ROBO2: variants seen among roughly 807,000 people sequenced by gnomAD.
ROBO2 encodes roundabout guidance receptor 2, also known as roundabout homolog 2.
In ROBO2, 53 loss-of-function variants were observed where a neutral mutation model predicts 160.8. The observed-to-expected ratio is 0.33, with a 90% CI of 0.26 to 0.41. ROBO2 has a LOEUF of 0.41. Among genes scored for constraint, ROBO2 ranks in the 10% least tolerant of loss-of-function variants. ROBO2 has a pLI of 1.00. For missense variants in ROBO2, 1,577 were observed against 1,722.4 expected (o/e 0.92, Z 1.49); for synonymous variants, 664 against 611.7 (o/e 1.09, Z -1.26).
intron 1 of ROBO2, among the ~76,000 whole-genome samples, chr3:77,049,868 C>T (rs2065042605): frequency 6.6e-6 from 1 of 152,108 alleles, no homozygotes; most frequent in East Asian, 1.9e-4. Context: ...GGATTTGGAC[C>T]AAACCTCTGC....
intron 2 of ROBO2, among the ~76,000 whole-genome samples, chr3:76,622,291 A>ATGG (rs2089260502): frequency 1.5e-5 from 1 of 65,750 alleles, no homozygotes; most frequent in African/African-American, 6.0e-5. Context: ...AGAAAGAAAG[A>ATGG]AAGAAAGAAA....
At chr3:75,983,978 T>A (rs974891420) in intron 2 of ROBO2, among the ~76,000 whole-genome samples, 3 of 151,512 alleles carry the variant, frequency 2.0e-5, no homozygotes, top group African/African-American at 7.2e-5. Context: ...TTATCTTATG[T>A]GCTCTTTTAG....
At chr3:77,499,285 A>G (rs183778028) in intron 5 of ROBO2, among the ~76,000 whole-genome samples, 216 of 152,294 alleles carry the variant, frequency 1.4e-3, no homozygotes, top group African/African-American at 5.0e-3. Context: ...TTTAAACTCT[A>G]TGTTTTACAT....
chr3:76,708,758 C>A (rs1364017270), intron 2 of ROBO2, among the ~76,000 whole-genome samples: 1 of 152,010 alleles, frequency 6.6e-6, no homozygotes, highest in Non-Finnish European at 1.5e-5. Context: ...TCTGGCAGAA[C>A]CAGAATGAAT....
At chr3:76,335,293 G>T (rs2073807302) in intron 2 of ROBO2, among the ~76,000 whole-genome samples, 2 of 140,836 alleles carry the variant, frequency 1.4e-5, no homozygotes, top group African/African-American at 2.6e-5. Flanking sequence ...CAATTCTCCT[G>T]CCTCAGCCTC....
chr3:77,455,794 T>C (rs2081579610), intron 2 of ROBO2, among the ~76,000 whole-genome samples: 1 of 152,088 alleles, frequency 6.6e-6, no homozygotes, highest in Non-Finnish European at 1.5e-5. Flanking sequence ...TATTCATTCA[T>C]TAATAAATAT....
At chr3:76,355,069 C>T (rs2075083225) in intron 2 of ROBO2, among the ~76,000 whole-genome samples, 2 of 150,552 alleles carry the variant, frequency 1.3e-5, no homozygotes, top group Non-Finnish European at 3.0e-5. Flanking sequence ...TGTATGTATG[C>T]ATGGGGGTGT....
At chr3:76,710,348 T>G (rs1161142077) in intron 2 of ROBO2, among the ~76,000 whole-genome samples, 1 of 152,118 alleles carries the variant, frequency 6.6e-6, no homozygotes, top group Non-Finnish European at 1.5e-5. Flanking sequence ...CTTGATCCCT[T>G]GACCTTGTGA....
At chr3:76,626,695 T>G (rs1205694907) in intron 2 of ROBO2, among the ~76,000 whole-genome samples, 2 of 148,274 alleles carry the variant, frequency 1.3e-5, no homozygotes, top group Non-Finnish European at 3.0e-5. Flanking sequence ...ATCTTTTATC[T>G]TTTTTTTTTT....
chr3:77,104,105 G>A (rs2072451591), intron 2 of ROBO2, among the ~76,000 whole-genome samples: 1 of 151,944 alleles, frequency 6.6e-6, no homozygotes, highest in African/African-American at 2.4e-5. Flanking sequence ...ATATATACAA[G>A]CAATGTTTTT....
At chr3:76,182,115 A>T (rs1024660816) in intron 2 of ROBO2, among the ~76,000 whole-genome samples, 4 of 152,230 alleles carry the variant, frequency 2.6e-5, no homozygotes, top group Non-Finnish European at 5.9e-5. Flanking sequence ...ATTGAGTTGT[A>T]GCAGCCTAGA....
intron 2 of ROBO2, among the ~76,000 whole-genome samples, chr3:76,559,596 C>T (rs2084030054): frequency 1.3e-5 from 2 of 152,002 alleles, no homozygotes; most frequent in African/African-American, 4.8e-5. Flanking sequence ...AGTCTTTGGC[C>T]AAAAGCGGTG....
At chr3:77,250,517 G>T (rs1165122354) in intron 2 of ROBO2, among the ~76,000 whole-genome samples, 1 of 152,184 alleles carries the variant, frequency 6.6e-6, no homozygotes, top group Non-Finnish European at 1.5e-5. Flanking sequence ...TGCCATGACT[G>T]AGTTGTACAC....
chr3:77,464,535 T>C (rs577534970), intron 2 of ROBO2, among the ~76,000 whole-genome samples: 63 of 152,254 alleles, frequency 4.1e-4, no homozygotes, highest in African/African-American at 1.4e-3. Flanking sequence ...CTAGACTACT[T>C]AGAGTTACAG....
At chr3:76,133,040 T>C (rs1382006686) in intron 2 of ROBO2, among the ~76,000 whole-genome samples, 1 of 152,150 alleles carries the variant, frequency 6.6e-6, no homozygotes, top group Non-Finnish European at 1.5e-5. Flanking sequence ...TTCACTTTTC[T>C]ATATTTGTCA....
intron 2 of ROBO2, among the ~76,000 whole-genome samples, chr3:76,287,294 T>C (rs994745474): frequency 6.7e-6 from 1 of 149,016 alleles, no homozygotes; most frequent in Non-Finnish European, 1.5e-5. Context: ...TTCTTTTTTT[T>C]CTTTTCTTTT....
chr3:76,534,895 G>C (rs1248432023), intron 2 of ROBO2, among the ~76,000 whole-genome samples: 1 of 152,030 alleles, frequency 6.6e-6, no homozygotes, highest in Non-Finnish European at 1.5e-5. Flanking sequence ...TGATGGGAAG[G>C]AAATGGGCTG....
intron 2 of ROBO2, among the ~76,000 whole-genome samples, chr3:77,291,250 G>A (rs145340786): frequency 7.7e-4 from 115 of 148,888 alleles, no homozygotes; most frequent in African/African-American, 2.5e-3. Context: ...TAAAATTGAC[G>A]GTTAAACGGG....
intron 5 of ROBO2, among the ~76,000 whole-genome samples, chr3:77,519,890 C>G (rs1197170399): frequency 1.3e-5 from 2 of 151,410 alleles, no homozygotes; most frequent in Non-Finnish European, 3.0e-5. Flanking sequence ...AATTTATGTT[C>G]TCACCAGCAG....
Sources: allele counts gnomAD v4.1 joint callset (sites outside exome capture counted in the v4.1 genomes callset), GRCh38; gene constraint gnomAD v4.1.1; transcripts MANE v1.5; gene names NCBI Gene and HGNC (gene_info 2026-07-23, HGNC 2026-07-21).